SLC25A18: variants seen among roughly 807,000 people sequenced by gnomAD.
The protein encoded by SLC25A18 is mitochondrial glutamate carrier 2.
A neutral mutation model predicts 31.1 loss-of-function variants in SLC25A18; 24 were observed. The observed-to-expected ratio is 0.77, with a 90% confidence interval of 0.56 to 1.08. The LOEUF (loss-of-function observed/expected upper bound fraction) is 1.08. Among genes scored for constraint, SLC25A18 ranks in the 50% least tolerant of loss-of-function variants. The probability of loss-of-function intolerance (pLI) is 0.00; values close to 1 mark genes in which losing one functional copy is unlikely to be tolerated. For missense variants in SLC25A18, 371 were observed against 418.5 expected (o/e 0.89, Z 0.99); for synonymous variants, 173 against 161.9 (o/e 1.07, Z -0.52).
rs547354961 is a variant in SLC25A18, at chr22:17,579,781, C to T, written c.-164C>T. 328 of 1,408,564 alleles carry T rather than the reference C, an allele frequency of 2.3e-4. No individual in the cohort carries two copies. Among genetic ancestry groups the T allele is most frequent in the Admixed American group, 2.1e-4 (7 of 32,838 alleles). The allele number at this position is 1,408,564 out of a possible 1,614,324, so 87.3% of individuals were successfully genotyped here. A position where few individuals can be genotyped will look rare whatever the true frequency, so the allele number is the denominator to read the frequency against. Reference sequence around the variant, plus strand: ...GCAGCCCAAGGAGGTCGTCACTTGCCGGGAAGGTGGCTCGGGCCAGGCTGC... The same window carrying T: ...GCAGCCCAAGGAGGTCGTCACTTGCTGGGAAGGTGGCTCGGGCCAGGCTGC... On this transcript the variant is annotated 5_prime_UTR_variant, in exon 3 of 11. Coordinates refer to ENST00000327451, the MANE Select transcript of SLC25A18 (RefSeq NM_031481.3).
chr22:17,564,944 G>A (rs2056896556), intron 1 of SLC25A18, among the ~76,000 whole-genome samples: 1 of 152,026 alleles, frequency 6.6e-6, no homozygotes, highest in Admixed American at 6.6e-5. Context: ...TTGATGGTGT[G>A]CACCTGTGAT....
At chr22:17,564,947 C>T (rs1010792276) in intron 1 of SLC25A18, among the ~76,000 whole-genome samples, 6 of 151,918 alleles carry the variant, frequency 3.9e-5, no homozygotes, top group African/African-American at 1.2e-4. Context: ...ATGGTGTGCA[C>T]CTGTGATCCC....
Position 17,582,525 on chromosome 22 carries a change from G to C in SLC25A18, c.200-38G>C, listed in dbSNP as rs1222966849. On this transcript the variant is annotated intron_variant, in intron 5 of 10. Transcript: ENST00000327451. ...CAGACCTGGGGCACTGTTATTTCTG[G>C]GATGGCCTTGACTCCCCATCTTGTC... 3.9e-6 allele frequency: 6 copies of C among 1,527,782 alleles called. No homozygotes were observed. The East Asian group carries it at 1.4e-4, about 37-fold the overall frequency. The allele number at this position is 1,527,782 out of a possible 1,614,324, so 94.6% of individuals were successfully genotyped here.
chr22:17,573,374 C>T (rs1461514710), intron 2 of SLC25A18, among the ~76,000 whole-genome samples: 1 of 152,022 alleles, frequency 6.6e-6, no homozygotes, highest in African/African-American at 2.4e-5. Context: ...CTCCCCACTT[C>T]CCCCCAAAAC....
At position 17,587,991 on chromosome 22, in the gene SLC25A18, G is replaced by A. The variant is rs1401536399; in HGVS notation, c.642G>A (p.Glu214=). The A allele has an allele frequency of 2.5e-6, 4 of 1,614,128 alleles. No homozygotes were observed. The highest frequency in any genetic ancestry group is 3.4e-6 in the Non-Finnish European group (4 of 1,180,056). ...ACCTTAACAACCTGGGGTTCAACGA[G>A]CTCGCCGGTAAGGCGTCCTTTGCAC... is the stretch of plus-strand genomic sequence containing the variant. The part of the protein sequence containing the change: ...FANLNNLGFN[E]LAGKASFAHS... The change falls in exon 9 of 11, where the codon GAG becomes GAA. Residue 214 remains glutamate (E), a synonymous_variant. Coordinates refer to ENST00000327451, the MANE Select transcript of SLC25A18 (RefSeq NM_031481.3).
In SLC25A18 at chr22:17,590,373, G is replaced by T. The variant is rs1036878222; in HGVS notation, c.*137G>T. The T allele has an allele frequency of 4.0e-6, 4 of 1,005,338 alleles. No homozygotes were observed. In the South Asian group the frequency reaches 6.6e-5, roughly 17 times the overall value. 62.3% of individuals were successfully genotyped at this position (1,005,338 alleles called of 1,614,324 possible). A position where few individuals can be genotyped will look rare whatever the true frequency, so the allele number is the denominator to read the frequency against. ...TTGTAGTGCTACCTCAATCTCGGGA[G>T]AAACAGCCCTATATTCTAACAAGTT... On this transcript the variant is annotated 3_prime_UTR_variant, in exon 11 of 11. Coordinates refer to ENST00000327451, the MANE Select transcript of SLC25A18 (RefSeq NM_031481.3).
chr22:17,587,512 T>C (rs924317524), intron 8 of SLC25A18, among the ~76,000 whole-genome samples: 19 of 152,160 alleles, frequency 1.2e-4, no homozygotes, highest in Non-Finnish European at 4.4e-5. Context: ...GCTTGCATAG[T>C]GATGACCAGG....
At chr22:17,576,113 G>T (rs1011200968) in intron 2 of SLC25A18, among the ~76,000 whole-genome samples, 10 of 152,280 alleles carry the variant, frequency 6.6e-5, no homozygotes, top group African/African-American at 2.4e-4. Context: ...CAGCACTTTG[G>T]GAGGCTGAGG....
chr22:17,565,011 C>T (rs174363), intron 1 of SLC25A18, among the ~76,000 whole-genome samples: 71,759 of 151,900 alleles, frequency 0.47, 17,260 homozygotes, highest in Non-Finnish European at 0.51. Flanking sequence ...AGCCCTCCCT[C>T]GGGATGCTCT....
chr22:17,572,144 G>A (rs995886468), intron 2 of SLC25A18, among the ~76,000 whole-genome samples: 31 of 151,586 alleles, frequency 2.0e-4, no homozygotes, highest in Non-Finnish European at 4.0e-4. Context: ...CCGAGATCAC[G>A]CCACTGCACT....
chr22:17,583,402 G>C lies in SLC25A18; in HGVS notation c.291-14G>C. ...TGGCCTGCGGCTGAAGGAGCCTGAC[G>C]CCTGTTCCCATAGGATGCAGCGGAA... On this transcript the variant is annotated splice_polypyrimidine_tract_variant and intron_variant, in intron 6 of 10. Transcript: ENST00000327451. 1 of 1,613,758 alleles carries C rather than the reference G, an allele frequency of 6.2e-7. No homozygotes were observed. Among genetic ancestry groups the C allele is most frequent in the Non-Finnish European group, 8.5e-7 (1 of 1,179,960 alleles).
In SLC25A18 at chr22:17,579,671, G is replaced by A. The variant is rs140810242; in HGVS notation, c.-200-74G>A. 373 of 1,186,936 alleles carry A rather than the reference G, an allele frequency of 3.1e-4. No individual in the cohort carries two copies. The African/African-American group carries it at 4.4e-3, about 14-fold the overall frequency. The allele number at this position is 1,186,936 out of a possible 1,614,324, so 73.5% of individuals were successfully genotyped here. On this transcript the variant is annotated intron_variant, in intron 2 of 10. Coordinates refer to ENST00000327451, the MANE Select transcript of SLC25A18 (RefSeq NM_031481.3). ...AGGAAGGGAAAAAAGTGGAGCAAGC[G>A]GGCCGCATGAATCCACTAGTGACGT...
At chr22:17,580,906 A>G (rs2057353801) in intron 3 of SLC25A18, 131 bp from the exon 4 acceptor site, 2 of 1,432,014 alleles carry the variant, frequency 1.4e-6, no homozygotes, top group Non-Finnish European at 1.8e-6. Flanking sequence ...GGGAGGCTGA[A>G]GAGGGTCTCT....
chr22:17,577,978 C>CT (rs695375), intron 2 of SLC25A18, among the ~76,000 whole-genome samples: 23,229 of 133,396 alleles, frequency 0.17, 2,350 homozygotes, highest in East Asian at 0.48. Flanking sequence ...CGCCCTGCTT[C>CT]TTTTTTTTTT....
chr22:17,583,477 G>A lies in SLC25A18; in HGVS notation c.352G>A (p.Val118Met), dbSNP rs577110067. 1.7e-4 allele frequency: 267 copies of A among 1,614,078 alleles called. 1 individual carries two copies. The South Asian group carries it at 2.1e-3, about 13-fold the overall frequency. The change falls in exon 7 of 11, where the codon GTG becomes ATG. Residue 118 changes from valine to methionine, a missense_variant. Val to Met is a conservative substitution (Grantham distance 21, BLOSUM62 1). Coordinates refer to ENST00000327451, the MANE Select transcript of SLC25A18 (RefSeq NM_031481.3). ...GTGTGGGGCTGGGATGTGCCAGGTC[G>A]TGGTGACCTGTCCCATGGAAATGCT... ...AGCGAGMCQV[V>M]VTCPMEMLKI...
chr22:17,582,222 A>G (rs2057395943), intron 5 of SLC25A18: 1 of 167,488 alleles, frequency 6.0e-6, no homozygotes, highest in Non-Finnish European at 1.3e-5. Context: ...AAATACAAAA[A>G]AAATTTAGCC....
At chr22:17,584,450 A>AAGGAAGGAAG (rs1167043317) in intron 7 of SLC25A18, among the ~76,000 whole-genome samples, 162 of 129,300 alleles carry the variant, frequency 1.3e-3, no homozygotes, top group African/African-American at 5.5e-3. Flanking sequence ...AAGGAAGGAG[A>AAGGAAGGAAG]GAGAGAGAGA....
intron 1 of SLC25A18, among the ~76,000 whole-genome samples, chr22:17,568,776 T>A (rs1049904420): frequency 1.3e-5 from 2 of 151,590 alleles, no homozygotes; most frequent in African/African-American, 4.8e-5. Flanking sequence ...TTAGCCAGGA[T>A]GGTCTCAGTC....
intron 3 of SLC25A18, chr22:17,580,540 A>G: frequency 4.0e-6 from 4 of 989,532 alleles, no homozygotes; most frequent in Non-Finnish European, 4.8e-6. Flanking sequence ...TATTATGAAC[A>G]ATAGCTGGCA....
Sources: allele counts gnomAD v4.1 joint callset (sites outside exome capture counted in the v4.1 genomes callset), GRCh38; gene constraint gnomAD v4.1.1; transcripts MANE v1.5; gene names NCBI Gene and HGNC (gene_info 2026-07-23, HGNC 2026-07-21).